Variants in MAP3K4 observed in about 807,000 individuals in gnomAD.
MAP3K4 encodes the protein MAP three kinase 1.
A neutral mutation model predicts 185.6 loss-of-function variants in MAP3K4; 67 were observed. The ratio of observed to expected loss-of-function variants is 0.36; its 90% CI spans 0.30 to 0.44. MAP3K4 has a LOEUF of 0.44. Ranked by LOEUF, MAP3K4 falls within the 20% of genes least tolerant of loss-of-function variation. The pLI is 1.00. For missense variants in MAP3K4, 1,551 were observed against 1,995.1 expected (o/e 0.78, Z 4.24); for synonymous variants, 702 against 710.4 (o/e 0.99, Z 0.19).
intron 11 of MAP3K4, among the ~76,000 whole-genome samples, chr6:161,090,229 A>C (rs1004610323): frequency 1.3e-5 from 2 of 152,240 alleles, no homozygotes; most frequent in Admixed American, 6.5e-5. Flanking sequence ...TGCTGGAAGA[A>C]TATTTTGTAA....
At chr6:160,992,319 C>G (rs1583072607) in intron 1 of MAP3K4, 4 of 545,026 alleles carry the variant, frequency 7.3e-6, no homozygotes, top group Non-Finnish European at 1.2e-5. Flanking sequence ...AGCGTGTTGC[C>G]GGCTCCCCTT....
chr6:161,053,242 A>C lies in MAP3K4; in HGVS notation c.1707+3263A>C, dbSNP rs1444255121. The stretch of plus-strand genomic sequence containing the variant: ...GTGAAGGTGCTCCATTCTTTTAAAC[A>C]ACCAGATCTCTTGACAGCTCACTCA... On this transcript the variant is annotated intron_variant, in intron 3 of 26. Coordinates refer to ENST00000392142, the MANE Select transcript of MAP3K4 (RefSeq NM_005922.4). This position sits in a 1 kb window ranked among gnomAD's most constrained non-coding sequence, Gnocchi z 4.2. Among the ~76,000 whole-genome samples the C allele has an allele frequency of 6.6e-6, 1 of 152,098 alleles. No individual in the cohort carries two copies. The highest frequency in any genetic ancestry group is 1.5e-5 in the Non-Finnish European group (1 of 68,028).
In MAP3K4 at chr6:161,084,650, C is replaced by G; in HGVS notation, c.2372+33C>G. The stretch of plus-strand genomic sequence containing the variant: ...TTGTGCTTCCTTTCCCCTTCCACTT[C>G]TTATCTCGTAGTTTCCTTCCTCATG... On this transcript the variant is annotated intron_variant, in intron 7 of 26. Transcript: ENST00000392142. The surrounding 1 kb of genome is among the most constrained non-coding windows in gnomAD (Gnocchi z 4.6). The G allele has an allele frequency of 8.2e-7, 1 of 1,217,616 alleles. No individual in the cohort carries two copies. The highest frequency in any genetic ancestry group is 1.2e-6 in the Non-Finnish European group (1 of 819,194). 75.4% of individuals were successfully genotyped at this position (1,217,616 alleles called of 1,614,324 possible). A position where few individuals can be genotyped will look rare whatever the true frequency, so the allele number is the denominator to read the frequency against.
At chr6:161,003,088 T>C (rs1191096343) in intron 1 of MAP3K4, among the ~76,000 whole-genome samples, 1 of 152,228 alleles carries the variant, frequency 6.6e-6, no homozygotes, top group East Asian at 1.9e-4. Flanking sequence ...AGTGACTTGA[T>C]ACAAATATTT....
At chr6:161,027,181 C>T (rs1184649587) in intron 1 of MAP3K4, among the ~76,000 whole-genome samples, 2 of 152,142 alleles carry the variant, frequency 1.3e-5, no homozygotes, top group African/African-American at 4.8e-5. Context: ...ATGCGGATAG[C>T]TAATAGTCTA....
chr6:161,018,708 C>A (rs551057150), intron 1 of MAP3K4, among the ~76,000 whole-genome samples: 151 of 152,054 alleles, frequency 9.9e-4, no homozygotes, highest in African/African-American at 3.5e-3. Context: ...GAAAATATGA[C>A]CTATAACCAG....
intron 1 of MAP3K4, among the ~76,000 whole-genome samples, chr6:160,992,552 T>C (rs932568272): frequency 1.3e-5 from 2 of 152,194 alleles, no homozygotes; most frequent in African/African-American, 4.8e-5. Context: ...TCCTCTCCTT[T>C]TGCCCGCTCC....
intron 1 of MAP3K4, 25 bp downstream of exon 1, chr6:160,992,108 C>T (rs757625434): frequency 2.6e-6 from 4 of 1,529,012 alleles, no homozygotes; most frequent in East Asian, 5.2e-5. Context: ...CGCAGTCGGT[C>T]GCTCGCAGAA....
In MAP3K4 at chr6:161,022,716, A is replaced by G. The variant is rs1782457993; in HGVS notation, c.153-11543A>G. 6.6e-6 allele frequency among the ~76,000 whole-genome samples: 1 copy of G among 152,162 alleles called. No homozygotes were observed. Among genetic ancestry groups the G allele is most frequent in the Non-Finnish European group, 1.5e-5 (1 of 68,026 alleles). On this transcript the variant is annotated intron_variant, in intron 1 of 26. Transcript: ENST00000392142. This position sits in a 1 kb window ranked among gnomAD's most constrained non-coding sequence, Gnocchi z 4.2. ...TTCCCTACTCTGGGGCTCAGGAATT[A>G]TGCTAGTACCTGTAGGAATCCTTGG...
chr6:161,002,233 G>A (rs1177285481), intron 1 of MAP3K4, among the ~76,000 whole-genome samples: 1 of 151,958 alleles, frequency 6.6e-6, no homozygotes, highest in East Asian at 1.9e-4. Context: ...TAGGTTAATA[G>A]GCACAGCTGT....
rs576288496 is a variant in MAP3K4, at chr6:160,996,998, A to C, written c.152+4915A>C. Among the ~76,000 whole-genome samples, 4 of 152,306 alleles carry C rather than the reference A, an allele frequency of 2.6e-5. No homozygotes were observed. The highest frequency in any genetic ancestry group is 4.8e-5 in the African/African-American group (2 of 41,566). ...ACTCTTAGGTTTTTATTTTCTAGGC[A>C]TCACACAGGCTGCTTTTTTCCCTTG... On this transcript the variant is annotated intron_variant, in intron 1 of 26. Transcript: ENST00000392142. The surrounding 1 kb of genome is among the most constrained non-coding windows in gnomAD (Gnocchi z 4.5).
chr6:161,111,387 G>A (rs920363437), intron 23 of MAP3K4, among the ~76,000 whole-genome samples: 1 of 152,150 alleles, frequency 6.6e-6, no homozygotes, highest in Admixed American at 6.5e-5. Context: ...TTTCAGTCAC[G>A]TCATATAAAT....
At position 161,049,579 on chromosome 6, in the gene MAP3K4, A is replaced by C. The variant is rs1783904542; in HGVS notation, c.1307A>C (p.Lys436Thr). 3 of 1,614,170 alleles carry C rather than the reference A, an allele frequency of 1.9e-6. No homozygotes were observed. The change falls in exon 3 of 27, where the codon AAA (lysine) becomes ACA (threonine). Residue 436 changes from lysine (K) to threonine (T), a missense_variant. Coordinates refer to ENST00000392142, the MANE Select transcript of MAP3K4 (RefSeq NM_005922.4). This position sits in a 1 kb window ranked among gnomAD's most constrained non-coding sequence, Gnocchi z 8.4. ...VFEIPSPRPS[K>T]GNEPEYEGDD... ...GAAATCCCTTCCCCTCGACCATCCAAAGGTAATGAGCCGGAGTATGAGGGT... is the reference window on the plus strand; with the variant it reads ...GAAATCCCTTCCCCTCGACCATCCACAGGTAATGAGCCGGAGTATGAGGGT...
chr6:161,045,147 C>A (rs762723132), intron 2 of MAP3K4, among the ~76,000 whole-genome samples: 1 of 151,932 alleles, frequency 6.6e-6, no homozygotes, highest in Non-Finnish European at 1.5e-5. Context: ...GTTCGAATTG[C>A]GTCATTATTT....
Position 161,117,185 on chromosome 6 carries a change from C to A in MAP3K4, c.*315C>A. On this transcript the variant is annotated 3_prime_UTR_variant, in exon 27 of 27. Transcript: ENST00000392142. ...ACATCAGCGTAGTGTTTTGACCTTT[C>A]TAGGTTCAAAAGAAGTTGTAGTGTT... 3.2e-6 allele frequency: 1 copy of A among 310,568 alleles called. No homozygotes were observed. The highest frequency in any genetic ancestry group is 5.9e-6 in the Non-Finnish European group (1 of 169,406). 19.2% of individuals were successfully genotyped at this position (310,568 alleles called of 1,614,324 possible). A position where few individuals can be genotyped will look rare whatever the true frequency, so the allele number is the denominator to read the frequency against.
rs774047523 is a variant in MAP3K4 at position 161,112,646 on chromosome 6, A to C, written c.4520-22A>C. ...GATGTGTTTATAACCCATTACTCTC[A>C]ACATATCTGTGACTTTTAAAGCATA... On this transcript the variant is annotated intron_variant, in intron 24 of 26. Coordinates refer to ENST00000392142, the MANE Select transcript of MAP3K4 (RefSeq NM_005922.4). This position sits in a 1 kb window ranked among gnomAD's most constrained non-coding sequence, Gnocchi z 5.1. The C allele has an allele frequency of 6.6e-7, 1 of 1,508,084 alleles. No homozygotes were observed. The highest frequency in any genetic ancestry group is 2.3e-5 in the East Asian group (1 of 43,070). 93.4% of individuals were successfully genotyped at this position (1,508,084 alleles called of 1,614,324 possible).
At chr6:161,052,151 C>T (rs1164557123) in intron 3 of MAP3K4, among the ~76,000 whole-genome samples, 1 of 152,090 alleles carries the variant, frequency 6.6e-6, no homozygotes, top group Non-Finnish European at 1.5e-5. Context: ...CTTCCGTAAA[C>T]TGCTTCACCC....
At chr6:161,111,994 T>C (rs951708117) in intron 24 of MAP3K4, 36 bp downstream of exon 24, 1 of 1,610,542 alleles carries the variant, frequency 6.2e-7, no homozygotes, top group Middle Eastern at 1.7e-4. Flanking sequence ...GCACTCTGAC[T>C]TCATGCAGCC....
chr6:161,070,932 T>G lies in MAP3K4; in HGVS notation c.1950+82T>G. 7.7e-7 allele frequency: 1 copy of G among 1,295,064 alleles called. No individual in the cohort carries two copies. Among genetic ancestry groups the G allele is most frequent in the Non-Finnish European group, 1.0e-6 (1 of 971,706 alleles). 80.2% of individuals were successfully genotyped at this position (1,295,064 alleles called of 1,614,324 possible). A position where few individuals can be genotyped will look rare whatever the true frequency, so the allele number is the denominator to read the frequency against. The stretch of plus-strand genomic sequence containing the variant: ...TATCATTTTTATTTTGAGAGTTCCT[T>G]TTTTTTTCTTAATTGTCGCAAATAG... On this transcript the variant is annotated intron_variant, in intron 4 of 26. Coordinates refer to ENST00000392142, the MANE Select transcript of MAP3K4 (RefSeq NM_005922.4). The surrounding 1 kb of genome is among the most constrained non-coding windows in gnomAD (Gnocchi z 4.5).
Sources: allele counts gnomAD v4.1 joint callset (sites outside exome capture counted in the v4.1 genomes callset), GRCh38; gene constraint gnomAD v4.1.1; non-coding constraint Gnocchi (gnomAD v3.1); transcripts MANE v1.5; gene names NCBI Gene and HGNC (gene_info 2026-07-23, HGNC 2026-07-21).